The following CDK15 variants were observed in gnomAD, a reference collection of about 807,000 sequenced individuals.
The protein encoded by CDK15 is cyclin dependent kinase 15, also known as cyclin-dependent kinase 15.
In CDK15, 62 loss-of-function variants were observed where a neutral mutation model predicts 60.3. The observed-to-expected ratio is 1.03, with a 90% confidence interval of 0.84 to 1.27. CDK15 has a LOEUF of 1.27. CDK15 is among the 50% of genes most tolerant of loss of function. The probability of loss-of-function intolerance (pLI) is 0.00; values close to 1 mark genes in which losing one functional copy is unlikely to be tolerated. For synonymous variants in CDK15, 194 were observed against 195.7 expected, an observed-to-expected ratio of 0.99 and a Z score of 0.07; for missense variants, 541 against 527.8, an observed-to-expected ratio of 1.03 and a Z score of -0.25.
intron 9 of CDK15, among the ~76,000 whole-genome samples, chr2:201,849,595 T>C (rs1351996241): frequency 6.6e-6 from 1 of 151,814 alleles, no homozygotes; most frequent in Non-Finnish European, 1.5e-5. Context: ...TATTTTCAAG[T>C]GTTGTTCAGT....
chr2:201,826,188 C>T (rs1696480838), intron 6 of CDK15, among the ~76,000 whole-genome samples: 1 of 152,132 alleles, frequency 6.6e-6, no homozygotes, highest in South Asian at 2.1e-4. Flanking sequence ...CGGCCGGGCG[C>T]AGTGGCTCAC....
At chr2:201,839,663 T>C (rs1574885094) in intron 8 of CDK15, among the ~76,000 whole-genome samples, 1 of 146,868 alleles carries the variant, frequency 6.8e-6, no homozygotes, top group African/African-American at 2.5e-5. Flanking sequence ...AGAAAAGATA[T>C]AGACAGACAG....
chr2:201,829,713 T>C (rs1696665605), intron 6 of CDK15, among the ~76,000 whole-genome samples: 1 of 152,186 alleles, frequency 6.6e-6, no homozygotes, highest in African/African-American at 2.4e-5. Context: ...GGAGCATGTG[T>C]AGAGTGATAA....
At chr2:201,879,052 T>C (rs1699181833) in intron 11 of CDK15, among the ~76,000 whole-genome samples, 1 of 152,206 alleles carries the variant, frequency 6.6e-6, no homozygotes, top group Non-Finnish European at 1.5e-5. Flanking sequence ...TTGTCCTGTG[T>C]CTCCCAAAGC....
chr2:201,866,472 T>A (rs1428981864), intron 10 of CDK15, among the ~76,000 whole-genome samples: 1 of 152,204 alleles, frequency 6.6e-6, no homozygotes, highest in Non-Finnish European at 1.5e-5. Context: ...TCCACTTAGT[T>A]TGGAAATTTA....
chr2:201,888,900 A>G, intron 12 of CDK15: 1 of 1,004,216 alleles, frequency 1.0e-6, no homozygotes, highest in Non-Finnish European at 1.2e-6. Flanking sequence ...AAGTATACGC[A>G]CTGTTTATTT....
Position 201,872,282 on chromosome 2 carries a change from G to C in CDK15, c.1014G>C (p.Trp338Cys), listed in dbSNP as rs751966765. 1.2e-6 allele frequency: 2 copies of C among 1,614,086 alleles called. No homozygotes were observed. Among genetic ancestry groups the C allele is most frequent in the Non-Finnish European group, 1.7e-6 (2 of 1,179,998 alleles). Reference sequence around the variant, plus strand: ...CGCCCTCTGTATGCTTCCCAGAATGGTTCCCACTGCCTACGCCTCGAAGCC... The same window carrying C: ...CGCCCTCTGTATGCTTCCCAGAATGCTTCCCACTGCCTACGCCTCGAAGCC... ...VSKLPNYNPE[W>C]FPLPTPRSLH... The change falls in exon 11 of 14, where the codon TGG (tryptophan) becomes TGC (cysteine). Residue 338 changes from tryptophan (W) to cysteine (C), a missense_variant. Physicochemically the swap from Trp to Cys is radical, Grantham distance 215 (BLOSUM62 -2). Coordinates refer to ENST00000652192, the MANE Select transcript of CDK15 (RefSeq NM_001366386.2).
chr2:201,894,719 T>A lies in CDK15; in HGVS notation c.*1452T>A, dbSNP rs376422945. 14 of 152,228 alleles carry A rather than the reference T, an allele frequency of 9.2e-5. No individual in the cohort carries two copies. The East Asian group carries it at 2.1e-3, about 23-fold the overall frequency. 9.4% of individuals were successfully genotyped at this position (152,228 alleles called of 1,614,324 possible). On this transcript the variant is annotated 3_prime_UTR_variant, in exon 14 of 14. Transcript: ENST00000652192. ...GTTAGGTAACTCCTTCATAGTAGCA[T>A]GCCAGAGTGAAGATGCAAACCTCAG...
chr2:201,837,570 C>G (rs1049810979), intron 8 of CDK15, among the ~76,000 whole-genome samples: 2 of 151,826 alleles, frequency 1.3e-5, no homozygotes, highest in Admixed American at 1.3e-4. Flanking sequence ...TGGGGAGGCT[C>G]TAAGGTTAAT....
intron 9 of CDK15, among the ~76,000 whole-genome samples, chr2:201,849,340 C>T (rs552115117): frequency 3.3e-4 from 51 of 152,246 alleles, no homozygotes; most frequent in Non-Finnish European, 5.4e-4. Context: ...AAATTTAACC[C>T]GATTGTTCTC....
chr2:201,824,701 G>A, intron 6 of CDK15: 1 of 413,298 alleles, frequency 2.4e-6, no homozygotes, highest in Non-Finnish European at 4.1e-6. Flanking sequence ...GAACCCAAGA[G>A]CCATATCAGC....
intron 6 of CDK15, chr2:201,824,790 T>A: frequency 1.4e-6 from 1 of 702,870 alleles, no homozygotes; most frequent in East Asian, 5.8e-5. Flanking sequence ...CTAAAGAAAA[T>A]GTGAAACACC....
chr2:201,883,057 G>A (rs13426019), intron 12 of CDK15, among the ~76,000 whole-genome samples: 3,055 of 152,244 alleles, frequency 0.02, 104 homozygotes, highest in African/African-American at 0.069. Flanking sequence ...TGCAAAAATC[G>A]GCATGCTCTT....
intron 8 of CDK15, among the ~76,000 whole-genome samples, chr2:201,836,620 C>G (rs1361644783): frequency 6.6e-6 from 1 of 151,464 alleles, no homozygotes; most frequent in Non-Finnish European, 1.5e-5. Context: ...CACGCCTTTC[C>G]TCCTAGCTCC....
intron 12 of CDK15, 123 bp from the exon 13 acceptor site, chr2:201,890,662 G>C: frequency 1.5e-6 from 1 of 662,368 alleles, no homozygotes; most frequent in Non-Finnish European, 2.5e-6. Flanking sequence ...TGAATTATTA[G>C]TAAATAAGTC....
intron 9 of CDK15, 137 bp from the exon 10 acceptor site, chr2:201,854,737 C>G: frequency 1.5e-6 from 1 of 683,440 alleles, no homozygotes; most frequent in South Asian, 2.0e-5. Context: ...TCGTATACAT[C>G]AGCTGGTGTC....
intron 10 of CDK15, among the ~76,000 whole-genome samples, chr2:201,856,043 G>A (rs1253498390): frequency 6.6e-6 from 1 of 151,990 alleles, no homozygotes; most frequent in East Asian, 1.9e-4. Context: ...GGCCAGGCTG[G>A]TCTCGAACTC....
chr2:201,810,837 CTTTTTTTTTTT>C (rs199591982), intron 3 of CDK15, among the ~76,000 whole-genome samples: 29 of 123,626 alleles, frequency 2.3e-4, no homozygotes, highest in Non-Finnish European at 2.0e-4. Context: ...GGTATGCACT[CTTTTTTTTTTT>C]TTTTTTTTTT....
intron 10 of CDK15, chr2:201,860,976 T>G: frequency 8.2e-7 from 1 of 1,220,716 alleles, no homozygotes; most frequent in Non-Finnish European, 1.1e-6. Flanking sequence ...CTGTGTTTGC[T>G]GTGAGCACAA....
Sources: gnomAD v4.1 joint callset for allele counts (sites outside exome capture counted in the v4.1 genomes callset) on GRCh38, gnomAD v4.1.1 for gene constraint, MANE v1.5 for transcripts, NCBI Gene and HGNC (gene_info 2026-07-23, HGNC 2026-07-21) for gene names.